Variants in BTRC observed in about 807,000 individuals in gnomAD.
BTRC encodes F-box/WD repeat-containing protein 1A.
Under a neutral mutation model 85.5 loss-of-function variants are expected in BTRC, and 42 were observed. The observed-to-expected ratio is 0.49, with a 90% CI of 0.38 to 0.64. The LOEUF (loss-of-function observed/expected upper bound fraction) is 0.64. Among genes scored for constraint, BTRC ranks in the 30% least tolerant of loss-of-function variants. BTRC has a pLI of 0.00. For synonymous variants in BTRC, 255 were observed against 263.3 expected, an observed-to-expected ratio of 0.97 and a Z score of 0.30; for missense variants, 594 against 743.5, an observed-to-expected ratio of 0.80 and a Z score of 2.34.
intron 1 of BTRC, among the ~76,000 whole-genome samples, chr10:101,403,297 G>A (rs1315962706): frequency 6.6e-6 from 1 of 152,152 alleles, no homozygotes; most frequent in East Asian, 1.9e-4. Flanking sequence ...GAACTAAAGG[G>A]AAAAAGATGG....
At chr10:101,362,420 A>T (rs1197753380) in intron 1 of BTRC, among the ~76,000 whole-genome samples, 6 of 148,578 alleles carry the variant, frequency 4.0e-5, no homozygotes, top group Non-Finnish European at 8.9e-5. Context: ...TTTGAGATGG[A>T]GTTTCGCTCT....
chr10:101,493,340 A>C (rs528117882), intron 4 of BTRC, among the ~76,000 whole-genome samples: 1 of 152,388 alleles, frequency 6.6e-6, no homozygotes, highest in South Asian at 2.1e-4. Context: ...TGTACTAGGC[A>C]TATACATTTT....
intron 3 of BTRC, among the ~76,000 whole-genome samples, chr10:101,465,012 A>T (rs1035561521): frequency 2.6e-5 from 4 of 152,080 alleles, no homozygotes; most frequent in African/African-American, 9.7e-5. Flanking sequence ...GATTTTTTTT[A>T]AGGTAGGACA....
intron 4 of BTRC, among the ~76,000 whole-genome samples, chr10:101,483,049 AG>A (rs1025327280): frequency 6.6e-6 from 1 of 152,180 alleles, no homozygotes; most frequent in Non-Finnish European, 1.5e-5. Flanking sequence ...GGTTCATGTA[AG>A]TTTTAGAGAA....
chr10:101,438,515 T>C (rs1165351426), intron 2 of BTRC, among the ~76,000 whole-genome samples: 1 of 147,358 alleles, frequency 6.8e-6, no homozygotes, highest in Admixed American at 6.8e-5. Flanking sequence ...TACACATACA[T>C]ATATACTACA....
At chr10:101,463,764 T>C (rs1945291399) in intron 3 of BTRC, among the ~76,000 whole-genome samples, 1 of 152,156 alleles carries the variant, frequency 6.6e-6, no homozygotes, top group Admixed American at 6.5e-5. Context: ...TCTCAGTGTT[T>C]CCAAAGCGTT....
At chr10:101,450,201 G>A (rs1395485129) in intron 2 of BTRC, among the ~76,000 whole-genome samples, 1 of 152,078 alleles carries the variant, frequency 6.6e-6, no homozygotes, top group Non-Finnish European at 1.5e-5. Flanking sequence ...TGATTAAGAA[G>A]TCACAAAGCT....
At chr10:101,424,961 C>T (rs1051418073) in intron 1 of BTRC, among the ~76,000 whole-genome samples, 7 of 152,072 alleles carry the variant, frequency 4.6e-5, no homozygotes, top group Non-Finnish European at 1.0e-4. Context: ...CTTTGTCCTC[C>T]CACCTTTTGT....
intron 1 of BTRC, chr10:101,364,710 T>C (rs1314823942): frequency 1.3e-5 from 2 of 152,338 alleles, no homozygotes; most frequent in African/African-American, 4.8e-5. Context: ...ATGTGGTTAT[T>C]TGTGAGTTGC....
chr10:101,437,519 A>G (rs780369115), intron 2 of BTRC, among the ~76,000 whole-genome samples: 1 of 152,224 alleles, frequency 6.6e-6, no homozygotes, highest in Admixed American at 6.5e-5. Context: ...TATTCATTGT[A>G]GAAAATAGAA....
chr10:101,368,335 T>G (rs553277606), intron 1 of BTRC, among the ~76,000 whole-genome samples: 1 of 152,332 alleles, frequency 6.6e-6, no homozygotes, highest in Admixed American at 6.5e-5. Context: ...GCACCATGCT[T>G]CTTGTACAGC....
intron 13 of BTRC, among the ~76,000 whole-genome samples, chr10:101,548,050 A>C (rs1471574202): frequency 1.3e-5 from 2 of 152,266 alleles, no homozygotes; most frequent in African/African-American, 4.8e-5. Context: ...GTAAAATACT[A>C]CTACAAACCT....
At chr10:101,404,002 G>GTATATATATATA (rs753639521) in intron 1 of BTRC, among the ~76,000 whole-genome samples, 20 of 61,754 alleles carry the variant, frequency 3.2e-4, no homozygotes, top group African/African-American at 1.4e-3. Context: ...GTGTGTGTGT[G>GTATATATATATA]TATATATATA....
intron 1 of BTRC, among the ~76,000 whole-genome samples, chr10:101,356,860 G>A (rs1320400329): frequency 6.6e-6 from 1 of 152,154 alleles, no homozygotes; most frequent in Admixed American, 6.5e-5. Context: ...GGCCGGGTGC[G>A]GTGGCTCATG....
At chr10:101,449,604 A>G (rs1197887879) in intron 2 of BTRC, among the ~76,000 whole-genome samples, 3 of 152,152 alleles carry the variant, frequency 2.0e-5, no homozygotes, top group Middle Eastern at 3.2e-3. Flanking sequence ...TAAAGAGGAA[A>G]GCAGTTTTTT....
Position 101,499,514 on chromosome 10 carries a change from CA to C in BTRC, c.324+20058del, listed in dbSNP as rs1023720230. Reference sequence around the variant, plus strand: ...AAGTGCTAGGATTACAGGTATGAGCCACCATGCTTGGCCACTATGCAGTACT... The same window carrying C: ...AAGTGCTAGGATTACAGGTATGAGCCCCATGCTTGGCCACTATGCAGTACT... On this transcript the variant is annotated intron_variant, in intron 4 of 14. Transcript: ENST00000370187. Among the ~76,000 whole-genome samples the C allele has an allele frequency of 4.6e-5, 7 of 151,964 alleles. No homozygotes were observed. The East Asian group carries it at 1.2e-3, about 25-fold the overall frequency.
chr10:101,534,796 C>T lies in BTRC; in HGVS notation c.1233C>T (p.Ala411=). Residue 411 remains alanine, a synonymous_variant, in exon 10 of 15, where the codon GCC becomes GCT. Coordinates refer to ENST00000370187, the MANE Select transcript of BTRC (RefSeq NM_033637.4). ...GTTCCATTGCTGTATGGGATATGGC[C>T]TCCCCAACTGACATTACCCTCCGGA... The part of the protein sequence containing the change: ...KDRSIAVWDM[A]SPTDITLRRV... 6.2e-7 allele frequency: 1 copy of T among 1,614,172 alleles called. No individual in the cohort carries two copies. Among genetic ancestry groups the T allele is most frequent in the East Asian group, 2.2e-5 (1 of 44,880 alleles).
At chr10:101,472,776 C>T (rs934962864) in intron 3 of BTRC, among the ~76,000 whole-genome samples, 29 of 152,236 alleles carry the variant, frequency 1.9e-4, no homozygotes, top group African/African-American at 5.3e-4. Flanking sequence ...AAATATTATT[C>T]GCTTGTCTCC....
At chr10:101,483,879 C>T (rs72839393) in intron 4 of BTRC, among the ~76,000 whole-genome samples, 7 of 152,210 alleles carry the variant, frequency 4.6e-5, no homozygotes, top group Non-Finnish European at 1.0e-4. Context: ...AAAGAAAACT[C>T]ACTGGAAGGC....
Sources: gnomAD v4.1 joint callset for allele counts (sites outside exome capture counted in the v4.1 genomes callset) on GRCh38, gnomAD v4.1.1 for gene constraint, MANE v1.5 for transcripts, NCBI Gene and HGNC (gene_info 2026-07-23, HGNC 2026-07-21) for gene names.